CELF4: variants seen among roughly 807,000 people sequenced by gnomAD.
CELF4 encodes CUGBP Elav-like family member 4.
CELF4 carries 18 observed loss-of-function variants against 59.9 expected under a neutral mutation model. The ratio of observed to expected loss-of-function variants is 0.30; its 90% CI spans 0.21 to 0.45. The LOEUF (loss-of-function observed/expected upper bound fraction) is 0.45, where lower values mean the gene tolerates loss of function less well. Among genes scored for constraint, CELF4 ranks in the 20% least tolerant of loss-of-function variants. The pLI is 1.00. For synonymous variants in CELF4, 261 were observed against 267.1 expected (o/e 0.98, Z 0.22); for missense variants, 456 against 689.0 (o/e 0.66, Z 3.79).
intron 3 of CELF4, among the ~76,000 whole-genome samples, chr18:37,314,296 C>T (rs2096782548): frequency 6.6e-6 from 1 of 152,144 alleles, no homozygotes; most frequent in Admixed American, 6.5e-5. Context: ...AAAATACACA[C>T]ACACAAAAAT....
intron 2 of CELF4, among the ~76,000 whole-genome samples, chr18:37,461,109 T>C (rs1603641764): frequency 6.6e-6 from 1 of 152,276 alleles, no homozygotes; most frequent in African/African-American, 2.4e-5. Flanking sequence ...TGGGAGAAGG[T>C]ATCTAAGACA....
At chr18:37,288,472 A>G (rs2095029605) in intron 3 of CELF4, among the ~76,000 whole-genome samples, 2 of 152,236 alleles carry the variant, frequency 1.3e-5, no homozygotes, top group Admixed American at 1.3e-4. Context: ...TGAAGTGGGC[A>G]CCACTGTTCC....
intron 1 of CELF4, among the ~76,000 whole-genome samples, chr18:37,501,115 G>A (rs1359973641): frequency 2.0e-5 from 3 of 152,182 alleles, no homozygotes; most frequent in South Asian, 2.1e-4. Context: ...GGGGGTGGCC[G>A]GGATGCAGAA....
intron 2 of CELF4, among the ~76,000 whole-genome samples, chr18:37,395,741 G>A (rs1466867549): frequency 6.6e-6 from 1 of 152,194 alleles, no homozygotes; most frequent in East Asian, 1.9e-4. Context: ...TGGCTTGCCA[G>A]GTGCTGAGAA....
At chr18:37,439,645 C>T (rs1459181558) in intron 2 of CELF4, among the ~76,000 whole-genome samples, 3 of 152,120 alleles carry the variant, frequency 2.0e-5, no homozygotes, top group African/African-American at 7.2e-5. Context: ...CCTAGTCACT[C>T]TTCTCTGGGA....
At chr18:37,359,166 G>A (rs2098659409) in intron 2 of CELF4, among the ~76,000 whole-genome samples, 1 of 152,136 alleles carries the variant, frequency 6.6e-6, no homozygotes, top group Admixed American at 6.5e-5. Context: ...GTCATGTGAA[G>A]GGCGACAAGG....
chr18:37,425,983 G>C (rs1012419981), intron 2 of CELF4, among the ~76,000 whole-genome samples: 8 of 152,218 alleles, frequency 5.3e-5, no homozygotes, highest in African/African-American at 1.9e-4. Context: ...TGCCTGGAGG[G>C]GAAACAGGCT....
In CELF4 at chr18:37,554,262, C is replaced by T. The variant is rs185493441; in HGVS notation, c.286+11094G>A. Among the ~76,000 whole-genome samples, 20 of 152,256 alleles carry T rather than the reference C, an allele frequency of 1.3e-4. No homozygotes were observed. In the East Asian group the frequency reaches 3.1e-3, roughly 24 times the overall value. On this transcript the variant is annotated intron_variant, in intron 1 of 12. Coordinates refer to ENST00000420428, the MANE Select transcript of CELF4 (RefSeq NM_020180.4). ...TGGGTTGTGTGCACTGGGGAGGGAA[C>T]GGCAGTGACCCGCAGGGCTCTTTGT...
chr18:37,413,145 A>T (rs774355706), intron 2 of CELF4, among the ~76,000 whole-genome samples: 31 of 152,172 alleles, frequency 2.0e-4, no homozygotes, highest in Non-Finnish European at 4.1e-4. Flanking sequence ...TAAAAACAAC[A>T]TATTGACCCT....
chr18:37,444,617 T>TACACACAC (rs61248144), intron 2 of CELF4, among the ~76,000 whole-genome samples: 7,876 of 134,120 alleles, frequency 0.059, 293 homozygotes, highest in East Asian at 0.16. Flanking sequence ...CTAGCATGCA[T>TACACACAC]ACACACACAC....
At chr18:37,337,554 C>T (rs777224564) in intron 2 of CELF4, among the ~76,000 whole-genome samples, 1 of 152,182 alleles carries the variant, frequency 6.6e-6, no homozygotes, top group Non-Finnish European at 1.5e-5. Flanking sequence ...CTGACTGCAG[C>T]CCTGGCATGT....
chr18:37,266,731 C>G, intron 8 of CELF4, 133 bp from the exon 9 acceptor site: 1 of 784,678 alleles, frequency 1.3e-6, no homozygotes. Context: ...GCAGGGCATC[C>G]GAGACAGAAA....
chr18:37,354,302 A>T (rs1305304604), intron 2 of CELF4, among the ~76,000 whole-genome samples: 1 of 152,124 alleles, frequency 6.6e-6, no homozygotes, highest in Non-Finnish European at 1.5e-5. Flanking sequence ...GAGTAAGGGA[A>T]AACAAGCTCA....
intron 1 of CELF4, among the ~76,000 whole-genome samples, chr18:37,522,140 G>A (rs2099958173): frequency 6.6e-6 from 1 of 152,162 alleles, no homozygotes. Context: ...GAAGCCAGAT[G>A]CCCAGCACAC....
Position 37,419,745 on chromosome 18 carries a change from G to A in CELF4, c.369+65780C>T, listed in dbSNP as rs78887045. ...AGTAGAGGACCCAGGGGATGATGAG[G>A]GTTTGCTCCACACTTGGAGGGTCCC... On this transcript the variant is annotated intron_variant, in intron 2 of 12. Coordinates refer to ENST00000420428, the MANE Select transcript of CELF4 (RefSeq NM_020180.4). Among the ~76,000 whole-genome samples, 551 of 152,292 alleles carry A rather than the reference G, an allele frequency of 3.6e-3. 4 individuals are homozygous for A. Among genetic ancestry groups the A allele is most frequent in the African/African-American group, 0.012 (502 of 41,562 alleles).
intron 2 of CELF4, among the ~76,000 whole-genome samples, chr18:37,377,708 C>T (rs368384474): frequency 2.6e-5 from 4 of 152,152 alleles, no homozygotes; most frequent in East Asian, 1.9e-4. Context: ...TTACTCAAGT[C>T]GAACTCTGCC....
At chr18:37,480,734 G>A (rs2099864423) in intron 2 of CELF4, among the ~76,000 whole-genome samples, 1 of 152,050 alleles carries the variant, frequency 6.6e-6, no homozygotes, top group Non-Finnish European at 1.5e-5. Flanking sequence ...AAGAGGGAGG[G>A]AGGAGAGGGA....
At chr18:37,509,306 G>A (rs1057044986) in intron 1 of CELF4, among the ~76,000 whole-genome samples, 3 of 152,234 alleles carry the variant, frequency 2.0e-5, no homozygotes, top group African/African-American at 7.2e-5. Flanking sequence ...CTGCAGAAAA[G>A]CACCACGAAG....
In CELF4 at chr18:37,375,818, A is replaced by G. The variant is rs1257906493; in HGVS notation, c.370-53937T>C. Among the ~76,000 whole-genome samples, 4 of 152,000 alleles carry G rather than the reference A, an allele frequency of 2.6e-5. No homozygotes were observed. The East Asian group carries it at 5.8e-4, about 22-fold the overall frequency. On this transcript the variant is annotated intron_variant, in intron 2 of 12. Coordinates refer to ENST00000420428, the MANE Select transcript of CELF4 (RefSeq NM_020180.4). ...CTCCTCTACTCTTCCACCCCCAAGC[A>G]TCTACTTCTAATGACTGCCCTCTCC...
Sources: allele counts gnomAD v4.1 joint callset (sites outside exome capture counted in the v4.1 genomes callset), GRCh38; gene constraint gnomAD v4.1.1; transcripts MANE v1.5; gene names NCBI Gene and HGNC (gene_info 2026-07-23, HGNC 2026-07-21).